Variants in HMGXB3 observed in about 807,000 individuals in gnomAD.
HMGXB3 encodes the protein HMG domain-containing protein 3.
HMGXB3 carries 45 observed loss-of-function variants against 121.5 expected under a neutral mutation model. The observed-to-expected ratio is 0.37, with a 90% CI of 0.29 to 0.47. The LOEUF is 0.47. HMGXB3 is among the 20% of genes least tolerant of loss of function. The pLI is 0.99. For synonymous variants in HMGXB3, 590 were observed against 624.1 expected, an observed-to-expected ratio of 0.95 and a Z score of 0.81; for missense variants, 1,376 against 1,602.2, an observed-to-expected ratio of 0.86 and a Z score of 2.41.
At position 150,024,595 on chromosome 5, in the gene HMGXB3, A is replaced by T; in HGVS notation, c.1375A>T (p.Asn459Tyr). Residue 459 changes from asparagine (N) to tyrosine (Y), a missense_variant, in exon 7 of 20, where the codon AAT becomes TAT. Asn to Tyr is a moderately radical substitution (Grantham distance 143). This residue lies in a region of HMGXB3 where 1,116 missense variants were observed against 1,369.0 expected (regional missense o/e 0.82). Coordinates refer to ENST00000502717, the MANE Select transcript of HMGXB3 (RefSeq NM_014983.3). Reference sequence around the variant, plus strand: ...TGAGGTCACTCTGGGGACAACTGACAATGACAGTCCTGGAGCAGACGTACC... The same window carrying T: ...TGAGGTCACTCTGGGGACAACTGACTATGACAGTCCTGGAGCAGACGTACC... ...QPEVTLGTTD[N>Y]DSPGADVPTP... 1 of 1,551,762 alleles carries T rather than the reference A, an allele frequency of 6.4e-7. No individual in the cohort carries two copies. Among genetic ancestry groups the T allele is most frequent in the Non-Finnish European group, 8.7e-7 (1 of 1,147,002 alleles).
At chr5:150,032,206 A>G (rs1756396728) in intron 10 of HMGXB3, among the ~76,000 whole-genome samples, 1 of 152,244 alleles carries the variant, frequency 6.6e-6, no homozygotes, top group African/African-American at 2.4e-5. Flanking sequence ...GTTTCTGACC[A>G]TTGAGAGTCA....
At chr5:150,033,798 A>G (rs945102986) in intron 11 of HMGXB3, among the ~76,000 whole-genome samples, 3 of 152,076 alleles carry the variant, frequency 2.0e-5, no homozygotes, top group African/African-American at 2.4e-5. Flanking sequence ...GTTTATTTGT[A>G]TATGGAGAGA....
At chr5:150,029,395 C>G (rs1286702152) in intron 9 of HMGXB3, among the ~76,000 whole-genome samples, 1 of 150,032 alleles carries the variant, frequency 6.7e-6, no homozygotes, top group African/African-American at 2.5e-5. Flanking sequence ...TTGAGGGAGG[C>G]ACATCTCACC....
In HMGXB3 at chr5:150,048,354, A is replaced by G. The variant is rs1451994649; in HGVS notation, c.3085-215A>G. Among the ~76,000 whole-genome samples the G allele has an allele frequency of 3.3e-5, 5 of 152,188 alleles. No individual in the cohort carries two copies. In the East Asian group the frequency reaches 9.6e-4, roughly 29 times the overall value. ...CTCAGAGTCTGGCAGCTTGATCAGC[A>G]GTCTGGCTGGCTTTGTCTGTGACCT... On this transcript the variant is annotated intron_variant, in intron 17 of 19. Coordinates refer to ENST00000502717, the MANE Select transcript of HMGXB3 (RefSeq NM_014983.3).
At chr5:150,023,437 C>G (rs1305138980) in intron 6 of HMGXB3, among the ~76,000 whole-genome samples, 34 of 152,164 alleles carry the variant, frequency 2.2e-4, no homozygotes. Flanking sequence ...TTGATAGAAC[C>G]CAGCCTTTAT....
intron 6 of HMGXB3, among the ~76,000 whole-genome samples, chr5:150,020,330 A>G (rs974188273): frequency 6.6e-6 from 1 of 152,200 alleles, no homozygotes; most frequent in Non-Finnish European, 1.5e-5. Flanking sequence ...GTGTATTCAC[A>G]ATGTATTCCC....
Position 150,045,553 on chromosome 5 carries a change from G to A in HMGXB3, c.2818G>A (p.Ala940Thr), listed in dbSNP as rs1408714777. 1 of 1,552,186 alleles carries A rather than the reference G, an allele frequency of 6.4e-7. No homozygotes were observed. Among genetic ancestry groups the A allele is most frequent in the Admixed American group, 2.0e-5 (1 of 51,008 alleles). The stretch of plus-strand genomic sequence containing the variant: ...GGAGACAGAGGTGATTGAGCAGGTG[G>A]CATTTCCTGCCAGCATCCCTATCAC... ...TMETEVIEQV[A>T]FPASIPITKF... is the part of the protein sequence containing the mutation. Residue 940 changes from alanine (A) to threonine (T), a missense_variant, in exon 16 of 20, where the codon GCA becomes ACA. Transcript: ENST00000502717.
intron 3 of HMGXB3, among the ~76,000 whole-genome samples, chr5:150,008,516 G>C (rs545097943): frequency 6.6e-6 from 1 of 152,332 alleles, no homozygotes; most frequent in South Asian, 2.1e-4. Flanking sequence ...CTGGAATGTA[G>C]TAAGACTGAG....
intron 5 of HMGXB3, among the ~76,000 whole-genome samples, chr5:150,016,926 T>A (rs1465516786): frequency 6.6e-6 from 1 of 152,250 alleles, no homozygotes; most frequent in Non-Finnish European, 1.5e-5. Context: ...TATTTTTAAC[T>A]TATAAGTTTA....
rs1561881543 is a variant in HMGXB3, at chr5:150,040,729, G to A, written c.2414-19G>A. 1 of 1,547,820 alleles carries A rather than the reference G, an allele frequency of 6.5e-7. No homozygotes were observed. The highest frequency in any genetic ancestry group is 8.7e-7 in the Non-Finnish European group (1 of 1,145,720). ...TGTATGATACATTAATTTCCTTGTT[G>A]CCTCTTCTTAACCTGCAGGTCTCTT... On this transcript the variant is annotated intron_variant, in intron 13 of 19. Coordinates refer to ENST00000502717, the MANE Select transcript of HMGXB3 (RefSeq NM_014983.3).
chr5:150,011,739 G>A (rs1054603495), intron 4 of HMGXB3, among the ~76,000 whole-genome samples: 1 of 151,658 alleles, frequency 6.6e-6, no homozygotes, highest in African/African-American at 2.4e-5. Context: ...AAGTAGCTGG[G>A]ATTACAAGCA....
Position 150,051,736 on chromosome 5 carries a change from C to T in HMGXB3, c.3423C>T (p.Cys1141=), listed in dbSNP as rs202048328. ...SPTEPPVSVS[C]PELLDQHYTV... ...CATTTCTCTTCTAGAGTGTGTCCTG[C>T]CCAGAGCTCTTGGACCAGCATTATA... Residue 1141 remains cysteine (C), a synonymous_variant, in exon 20 of 20, where the codon TGC becomes TGT. Transcript: ENST00000502717. 23 of 1,526,366 alleles carry T rather than the reference C, an allele frequency of 1.5e-5. No individual in the cohort carries two copies. The highest frequency in any genetic ancestry group is 1.9e-5 in the Non-Finnish European group (22 of 1,137,102). The allele number at this position is 1,526,366 out of a possible 1,614,324, so 94.6% of individuals were successfully genotyped here.
At position 150,010,290 on chromosome 5, in the gene HMGXB3, G is replaced by T; in HGVS notation, c.492G>T (p.Val164=). 1.5e-5 allele frequency: 24 copies of T among 1,551,788 alleles called. No individual in the cohort carries two copies. Among genetic ancestry groups the T allele is most frequent in the Non-Finnish European group, 2.0e-5 (23 of 1,147,020 alleles). ...TGTCCCCGAAAGGACCTCCTCTTGT[G>T]TCCAACACTGCCCCGGAGACAGTGC... The part of the protein sequence containing the change: ...NQMSPKGPPL[V]SNTAPETVPS... The change falls in exon 4 of 20, where the codon GTG becomes GTT. Residue 164 remains valine (V), a synonymous_variant. Transcript: ENST00000502717.
chr5:150,044,620 A>G (rs1180407660), intron 15 of HMGXB3, among the ~76,000 whole-genome samples: 1 of 152,144 alleles, frequency 6.6e-6, no homozygotes, highest in Admixed American at 6.5e-5. Context: ...CATTTCTAAC[A>G]AGTTGTCAGA....
intron 9 of HMGXB3, 143 bp downstream of exon 9, chr5:150,027,260 T>C (rs1561868539): frequency 1.0e-5 from 6 of 574,194 alleles, no homozygotes; most frequent in East Asian, 9.3e-5. Context: ...GATTTATCTG[T>C]TTTTTAAGTA....
At chr5:150,046,914 C>T (rs2113762018) in intron 16 of HMGXB3, among the ~76,000 whole-genome samples, 1 of 148,626 alleles carries the variant, frequency 6.7e-6, no homozygotes, top group South Asian at 2.1e-4. Flanking sequence ...GAGACGGAGT[C>T]CTGCTCTGTT....
At chr5:150,051,676 C>A in intron 19 of HMGXB3, 49 bp from the exon 20 acceptor site, 1 of 1,393,192 alleles carries the variant, frequency 7.2e-7, no homozygotes, top group South Asian at 1.4e-5. Flanking sequence ...AGATGGGTTC[C>A]ACCTTAGTCA....
chr5:150,028,557 ATATTTT>A (rs1243488603), intron 9 of HMGXB3, among the ~76,000 whole-genome samples: 34 of 64,494 alleles, frequency 5.3e-4, no homozygotes, highest in African/African-American at 1.6e-3. Flanking sequence ...ATATATATAT[ATATTTT>A]TTTTTTTTTT....
chr5:150,007,011 T>C (rs1305927212), intron 3 of HMGXB3, among the ~76,000 whole-genome samples: 1 of 152,254 alleles, frequency 6.6e-6, no homozygotes, highest in African/African-American at 2.4e-5. Flanking sequence ...AGTTTTCATA[T>C]TACAGATTGA....
Sources: allele counts gnomAD v4.1 joint callset (sites outside exome capture counted in the v4.1 genomes callset), GRCh38; gene constraint gnomAD v4.1.1; regional missense constraint gnomAD v4.1.1; transcripts MANE v1.5; gene names NCBI Gene and HGNC (gene_info 2026-07-23, HGNC 2026-07-21).